Variants in NXPH1 observed in about 807,000 individuals in gnomAD.
NXPH1 encodes neurexophilin-1.
A neutral mutation model predicts 23.7 loss-of-function variants in NXPH1; 5 were observed. The ratio of observed to expected loss-of-function variants is 0.21; its 90% confidence interval spans 0.11 to 0.44. NXPH1 has a LOEUF of 0.44. Ranked by LOEUF, NXPH1 falls within the 20% of genes least tolerant of loss-of-function variation. NXPH1 has a pLI of 0.99. For synonymous variants in NXPH1, 144 were observed against 122.2 expected, an observed-to-expected ratio of 1.18 and a Z score of -1.18; for missense variants, 324 against 321.6, an observed-to-expected ratio of 1.01 and a Z score of -0.06.
At chr7:8,531,985 T>C (rs11764549) in intron 2 of NXPH1, among the ~76,000 whole-genome samples, 56,860 of 152,016 alleles carry the variant, frequency 0.37, 11,194 homozygotes, top group Admixed American at 0.49. Flanking sequence ...ACTTCCCAAA[T>C]GGAGGTACCC....
Position 8,434,621 on chromosome 7 carries a change from T to A in NXPH1, c.-245T>A, listed in dbSNP as rs1816155910. 1 of 152,706 alleles carries A rather than the reference T, an allele frequency of 6.5e-6. No individual in the cohort carries two copies. The highest frequency in any genetic ancestry group is 6.5e-5 in the Admixed American group (1 of 15,292). 9.5% of individuals were successfully genotyped at this position (152,706 alleles called of 1,614,324 possible). ...AAGCTGGACGAGGCAGCCGGACCCG[T>A]CTGCGCTCGAGCATGGAGACGGAGC... On this transcript the variant is annotated 5_prime_UTR_variant, in exon 1 of 3. Coordinates refer to ENST00000405863, the MANE Select transcript of NXPH1 (RefSeq NM_152745.3). The surrounding 1 kb of genome is among the most constrained non-coding windows in gnomAD (Gnocchi z 7.6).
intron 2 of NXPH1, among the ~76,000 whole-genome samples, chr7:8,514,667 C>G (rs1280114954): frequency 1.3e-5 from 2 of 152,090 alleles, no homozygotes; most frequent in African/African-American, 4.8e-5. Context: ...CTTTTAGACT[C>G]TTAGCTTGTG....
chr7:8,545,688 T>A (rs1173640763), intron 2 of NXPH1, among the ~76,000 whole-genome samples: 1 of 151,592 alleles, frequency 6.6e-6, no homozygotes, highest in Non-Finnish European at 1.5e-5. Context: ...CTTTATAATA[T>A]TGATGATTTT....
chr7:8,513,701 C>A (rs560675294), intron 2 of NXPH1, among the ~76,000 whole-genome samples: 17 of 152,176 alleles, frequency 1.1e-4, no homozygotes, highest in African/African-American at 3.4e-4. Flanking sequence ...AAGGAGGAGT[C>A]ATCTGAACCT....
intron 2 of NXPH1, among the ~76,000 whole-genome samples, chr7:8,675,221 A>G (rs1583225495): frequency 6.6e-6 from 1 of 152,040 alleles, no homozygotes; most frequent in African/African-American, 2.4e-5. Context: ...TATCTCTAAA[A>G]TGGGACTAAG....
chr7:8,750,937 C>A, intron 2 of NXPH1, 71 bp from the exon 3 acceptor site: 2 of 1,435,918 alleles, frequency 1.4e-6, no homozygotes, highest in Non-Finnish European at 1.9e-6. Context: ...TCAGAGAAGG[C>A]TTAGATCTAT....
intron 2 of NXPH1, among the ~76,000 whole-genome samples, chr7:8,518,705 C>T (rs1020013787): frequency 3.3e-5 from 5 of 152,092 alleles, no homozygotes; most frequent in African/African-American, 1.2e-4. Context: ...CAGGTGGCCT[C>T]AAACTCCTGG....
chr7:8,745,388 G>A (rs1780449573), intron 2 of NXPH1, among the ~76,000 whole-genome samples: 1 of 130,702 alleles, frequency 7.7e-6, no homozygotes, highest in Non-Finnish European at 1.6e-5. Context: ...TAAATGTGGA[G>A]TGTAAAAAAG....
At chr7:8,665,980 C>A (rs1287678410) in intron 2 of NXPH1, among the ~76,000 whole-genome samples, 1 of 137,192 alleles carries the variant, frequency 7.3e-6, no homozygotes, top group Non-Finnish European at 1.5e-5. Flanking sequence ...ATGTCATCTA[C>A]AAACAGGGAC....
At chr7:8,462,414 T>C (rs907429369) in intron 2 of NXPH1, among the ~76,000 whole-genome samples, 21 of 152,210 alleles carry the variant, frequency 1.4e-4, no homozygotes, top group African/African-American at 3.9e-4. Context: ...TTTACAAATG[T>C]TAACTCATTT....
chr7:8,641,560 G>A (rs983579696), intron 2 of NXPH1, among the ~76,000 whole-genome samples: 1 of 151,896 alleles, frequency 6.6e-6, no homozygotes, highest in Non-Finnish European at 1.5e-5. Context: ...AACATTTTTA[G>A]CAGTCTCTTC....
chr7:8,668,087 T>G (rs899246899), intron 2 of NXPH1, among the ~76,000 whole-genome samples: 1 of 152,038 alleles, frequency 6.6e-6, no homozygotes, highest in Non-Finnish European at 1.5e-5. Flanking sequence ...TGGTTGTTTA[T>G]TATAGTTTTT....
At chr7:8,486,686 C>T (rs932052061) in intron 2 of NXPH1, among the ~76,000 whole-genome samples, 1 of 152,182 alleles carries the variant, frequency 6.6e-6, no homozygotes, top group Non-Finnish European at 1.5e-5. Flanking sequence ...TGCTAGTCTA[C>T]ACTTATTTCT....
At chr7:8,533,611 ATCTCTTTACATTT>A (rs1817985247) in intron 2 of NXPH1, among the ~76,000 whole-genome samples, 1 of 152,192 alleles carries the variant, frequency 6.6e-6, no homozygotes, top group African/African-American at 2.4e-5. Context: ...CAACTCGCCT[ATCTCTTTACATTT>A]TCTGCTTTTT....
chr7:8,492,052 A>G (rs930414503), intron 2 of NXPH1, among the ~76,000 whole-genome samples: 1 of 151,998 alleles, frequency 6.6e-6, no homozygotes, highest in African/African-American at 2.4e-5. Flanking sequence ...TTTTCTGTGA[A>G]TGTTTTACAA....
At chr7:8,568,027 G>A (rs761822015) in intron 2 of NXPH1, among the ~76,000 whole-genome samples, 3 of 151,910 alleles carry the variant, frequency 2.0e-5, no homozygotes, top group East Asian at 2.0e-4. Flanking sequence ...ATTGCAGGGC[G>A]AGTCTTTTTT....
chr7:8,646,917 C>G (rs2115148181), intron 2 of NXPH1, among the ~76,000 whole-genome samples: 1 of 151,226 alleles, frequency 6.6e-6, no homozygotes, highest in Admixed American at 6.6e-5. Flanking sequence ...TGGGTAGGAA[C>G]TGGGCATGGG....
chr7:8,573,974 C>T (rs1818702374), intron 2 of NXPH1, among the ~76,000 whole-genome samples: 1 of 152,086 alleles, frequency 6.6e-6, no homozygotes, highest in Admixed American at 6.5e-5. Context: ...TAAAGGTGTA[C>T]TCTGGTGGTA....
intron 2 of NXPH1, among the ~76,000 whole-genome samples, chr7:8,568,971 A>T (rs1050469804): frequency 5.9e-5 from 9 of 151,916 alleles, no homozygotes; most frequent in South Asian, 2.1e-4. Flanking sequence ...AATTAGAAAA[A>T]AATTATAATT....
Sources: allele counts gnomAD v4.1 joint callset (sites outside exome capture counted in the v4.1 genomes callset), GRCh38; gene constraint gnomAD v4.1.1; non-coding constraint Gnocchi (gnomAD v3.1); transcripts MANE v1.5; gene names NCBI Gene and HGNC (gene_info 2026-07-23, HGNC 2026-07-21).